ZNF219: variants seen among roughly 807,000 people sequenced by gnomAD.
The protein encoded by ZNF219 is zinc finger protein 219.
Under a neutral mutation model 54.4 loss-of-function variants are expected in ZNF219, and 17 were observed. The observed-to-expected ratio is 0.31, with a 90% confidence interval of 0.21 to 0.47. The LOEUF is 0.47. ZNF219 is among the 20% of genes least tolerant of loss of function. The pLI is 1.00. For synonymous variants in ZNF219, 518 were observed against 476.4 expected (o/e 1.09, Z -1.14); for missense variants, 1,014 against 1,062.3 (o/e 0.95, Z 0.63).
At chr14:21,094,441 G>A (rs1426299229) in intron 1 of ZNF219, 1 of 455,536 alleles carries the variant, frequency 2.2e-6, no homozygotes, top group Non-Finnish European at 4.4e-6. Flanking sequence ...CAGTATGATG[G>A]GGCATCTGAG....
At chr14:21,097,988 ACCCGCCACCTCC>A (rs1161555938) in intron 1 of ZNF219, among the ~76,000 whole-genome samples, 17 of 134,628 alleles carry the variant, frequency 1.3e-4, no homozygotes, top group South Asian at 4.8e-4. Context: ...CTACAAAGAC[ACCCGCCACCTCC>A]CCCGCCACAT....
chr14:21,101,390 G>C (rs1288167539), upstream of ZNF219: 11 of 1,551,674 alleles, frequency 7.1e-6, no homozygotes, highest in South Asian at 1.1e-4. Flanking sequence ...CACAGCCTTC[G>C]TCTGGAAAAG....
At chr14:21,102,231 C>A (rs1340778685), upstream of ZNF219, 2 of 1,421,376 alleles carry the variant, frequency 1.4e-6, no homozygotes, top group African/African-American at 1.4e-5. Context: ...TCAGCTGTCA[C>A]CACTGACTGG....
At chr14:21,101,574 G>A, upstream of ZNF219, 1 of 902,544 alleles carries the variant, frequency 1.1e-6, no homozygotes. Flanking sequence ...GCTAGGTTCT[G>A]AATGGGAGGA....
Position 21,092,109 on chromosome 14 carries a change from A to G in ZNF219, c.1188T>C (p.Ala396=). ...CGAAGCTGCGGCCGGGACCGGGCTC[A>G]GCACCCTCGCCGTTGGGCCGGCCCT... The part of the protein sequence containing the change: ...AGEGRPNGEG[A]EPGPGRSFGG... Residue 396 remains alanine (A), a synonymous_variant, in exon 3 of 5, where the codon GCT becomes GCC. Coordinates refer to ENST00000360947, the MANE Select transcript of ZNF219 (RefSeq NM_016423.3). 6.5e-7 allele frequency: 1 copy of G among 1,529,076 alleles called. No individual in the cohort carries two copies. Among genetic ancestry groups the G allele is most frequent in the Middle Eastern group, 2.0e-4 (1 of 5,052 alleles). 94.7% of individuals were successfully genotyped at this position (1,529,076 alleles called of 1,614,324 possible). A position where few individuals can be genotyped will look rare whatever the true frequency, so the allele number is the denominator to read the frequency against.
At chr14:21,099,687 T>C (rs1324153678), upstream of ZNF219, among the ~76,000 whole-genome samples, 2 of 152,216 alleles carry the variant, frequency 1.3e-5, no homozygotes. Context: ...CCACTAACAT[T>C]GAGCACTTGT....
At position 21,092,282 on chromosome 14, in the gene ZNF219, C is replaced by T. The variant is rs1359289706; in HGVS notation, c.1015G>A (p.Gly339Arg). 1 of 1,504,982 alleles carries T rather than the reference C, an allele frequency of 6.6e-7. No homozygotes were observed. Among genetic ancestry groups the T allele is most frequent in the Non-Finnish European group, 8.9e-7 (1 of 1,129,026 alleles). 93.2% of individuals were successfully genotyped at this position (1,504,982 alleles called of 1,614,324 possible). A position where few individuals can be genotyped will look rare whatever the true frequency, so the allele number is the denominator to read the frequency against. The part of the protein sequence containing the change: ...GPLRAPGPAS[G>R]PARAPQPPDL... The stretch of plus-strand genomic sequence containing the variant: ...GGAGGCTGGGGGGCGCGGGCAGGCC[C>T]GGAGGCAGGCCCCGGGGCACGCAGT... The change falls in exon 3 of 5, where the codon GGG becomes AGG. Residue 339 changes from glycine to arginine, a missense_variant. Around this residue, in one of 5 missense-constraint regions of ZNF219, gnomAD observed 272 missense variants for 248.9 expected, o/e 1.09. Transcript: ENST00000360947.
Position 21,090,817 on chromosome 14 carries a change from A to T in ZNF219, c.1888T>A (p.Ser630Thr). The change falls in exon 5 of 5, where the codon TCC (serine) becomes ACC (threonine). Residue 630 changes from serine to threonine, a missense_variant. Transcript: ENST00000360947. The surrounding 1 kb of genome is among the most constrained non-coding windows in gnomAD (Gnocchi z 4.4). ...TCGCCTCCCGGCCCTGCCCGCAAGG[A>T]CAGGTCCAGGGGTTCGGCCTCACCG... ...RGGEAEPLDL[S>T]LRAGPGGEAG... 1 of 1,566,888 alleles carries T rather than the reference A, an allele frequency of 6.4e-7. No individual in the cohort carries two copies. Among genetic ancestry groups the T allele is most frequent in the South Asian group, 1.2e-5 (1 of 85,588 alleles).
rs1267048628 is a variant in ZNF219, at chr14:21,098,438, C to CCCCGG, written c.-215_-211dup. On this transcript the variant is annotated 5_prime_UTR_variant, in exon 1 of 5. It removes the in-frame stop codon of an upstream open reading frame in the 5' UTR. Coordinates refer to ENST00000360947, the MANE Select transcript of ZNF219 (RefSeq NM_016423.3). ...ATGCGCCGGGCCCCGGCCCCCCCGCCCCCGGCCCGGCCCCCGCCCCCTCCC... is the reference window on the plus strand; with the variant it reads ...ATGCGCCGGGCCCCGGCCCCCCCGCCCCCGGCCCGGCCCGGCCCCCGCCCCCTCCC... 1.7e-4 allele frequency: 124 copies of CCCCGG among 723,924 alleles called. No individual in the cohort carries two copies. Among genetic ancestry groups the CCCCGG allele is most frequent in the Non-Finnish European group, 2.1e-4 (122 of 594,890 alleles). The allele number at this position is 723,924 out of a possible 1,614,324, so 44.8% of individuals were successfully genotyped here.
Position 21,092,244 on chromosome 14 carries a change from C to T in ZNF219, c.1053G>A (p.Leu351=), listed in dbSNP as rs1193653426. ...ARAPQPPDLG[L]LAYEPLGPAL... is the part of the protein sequence containing the mutation. The stretch of plus-strand genomic sequence containing the variant: ...CTGGGCCCAACGGCTCATAGGCCAG[C>T]AGGCCGAGGTCAGGAGGCTGGGGGG... The change falls in exon 3 of 5, where the codon CTG becomes CTA. Residue 351 remains leucine (L), a synonymous_variant. Transcript: ENST00000360947. The T allele has an allele frequency of 3.4e-6, 5 of 1,457,470 alleles. No homozygotes were observed. Among genetic ancestry groups the T allele is most frequent in the Non-Finnish European group, 4.5e-6 (5 of 1,109,800 alleles). The allele number at this position is 1,457,470 out of a possible 1,614,324, so 90.3% of individuals were successfully genotyped here.
intron 3 of ZNF219, 111 bp from the exon 4 acceptor site, chr14:21,091,653 A>T: frequency 6.7e-7 from 1 of 1,491,300 alleles, no homozygotes; most frequent in Non-Finnish European, 8.9e-7. Context: ...GTCCAGGAGG[A>T]AACAAAGTCT....
At position 21,091,781 on chromosome 14, in the gene ZNF219, T is replaced by C. The variant is rs569475495; in HGVS notation, c.1432+84A>G. On this transcript the variant is annotated intron_variant, in intron 3 of 4. Transcript: ENST00000360947. ...CAGGAGAAATTAAACGTAAGTTCTT[T>C]TAACAAGGAAGCTACGAGGGAGTGG... The C allele has an allele frequency of 2.0e-6, 3 of 1,471,244 alleles. No homozygotes were observed. In the East Asian group the frequency reaches 7.1e-5, roughly 35 times the overall value. The allele number at this position is 1,471,244 out of a possible 1,614,324, so 91.1% of individuals were successfully genotyped here. A position where few individuals can be genotyped will look rare whatever the true frequency, so the allele number is the denominator to read the frequency against.
chr14:21,090,657 G>T lies in ZNF219; in HGVS notation c.2048C>A (p.Ala683Glu). The T allele has an allele frequency of 6.2e-7, 1 of 1,612,492 alleles. No homozygotes were observed. The highest frequency in any genetic ancestry group is 8.5e-7 in the Non-Finnish European group (1 of 1,179,824). Residue 683 changes from alanine (A) to glutamate (E), a missense_variant, in exon 5 of 5, where the codon GCG becomes GAG. Around this residue, in one of 5 missense-constraint regions of ZNF219, gnomAD observed 281 missense variants for 271.2 expected, o/e 1.04. Transcript: ENST00000360947. This position sits in a 1 kb window ranked among gnomAD's most constrained non-coding sequence, Gnocchi z 4.4. ...TGGTACTCGGGCATAGGGCGGGGACGCGTCAGCCTGGGGTGGCCGGCGGCC... is the reference window on the plus strand; with the variant it reads ...TGGTACTCGGGCATAGGGCGGGGACTCGTCAGCCTGGGGTGGCCGGCGGCC... The part of the protein sequence containing the change: ...ARGRRPPQAD[A>E]SPPYARVPSG...
Position 21,091,938 on chromosome 14 carries a change from G to A in ZNF219, c.1359C>T (p.His453=), listed in dbSNP as rs1483400178. ...GCCCCGGTCCCTCACCCGGGCGCGG[G>A]TGCAGGGAAGCCAGAGAGCCCAGCG... ...GRSLGSLASL[H]PRPGEGPGHS... is the part of the protein sequence containing the mutation. The change falls in exon 3 of 5, where the codon CAC becomes CAT. Residue 453 remains histidine, a synonymous_variant. Coordinates refer to ENST00000360947, the MANE Select transcript of ZNF219 (RefSeq NM_016423.3). The A allele has an allele frequency of 4.4e-6, 7 of 1,604,494 alleles. No homozygotes were observed. The highest frequency in any genetic ancestry group is 5.9e-6 in the Non-Finnish European group (7 of 1,176,578).
Position 21,090,866 on chromosome 14 carries a change from C to T in ZNF219, c.1839G>A (p.Gly613=). Residue 613 remains glycine (G), a synonymous_variant, in exon 5 of 5, where the codon GGG becomes GGA. Coordinates refer to ENST00000360947, the MANE Select transcript of ZNF219 (RefSeq NM_016423.3). This position sits in a 1 kb window ranked among gnomAD's most constrained non-coding sequence, Gnocchi z 4.4. ...PGSRRKPASP[G]RTLRNGRGGE... ...CGCCTCGCCCGTTGCGCAGGGTCCT[C>T]CCAGGGCTGGCGGGCTTCCGACGGG... 6.4e-7 allele frequency: 1 copy of T among 1,554,302 alleles called. No homozygotes were observed.
chr14:21,094,907 CTTTTTTTT>C (rs59112788), intron 1 of ZNF219, among the ~76,000 whole-genome samples: 13 of 125,142 alleles, frequency 1.0e-4, no homozygotes, highest in South Asian at 2.5e-4. Context: ...TGGGTCTAAC[CTTTTTTTT>C]TTTTTTTTTT....
In ZNF219 at chr14:21,093,273, G is replaced by T. The variant is rs377005339; in HGVS notation, c.24C>A (p.Ala8=). MEGSRPR[A]PSGHLAPSPP... ...GCGACGGCGCTAAGTGGCCGCTCGG[G>T]GCGCGGGGACGTGAGCCCTGTGGAG... Residue 8 remains alanine (A), a synonymous_variant, in exon 3 of 5, where the codon GCC becomes GCA. Transcript: ENST00000360947. The T allele has an allele frequency of 7.3e-5, 116 of 1,588,582 alleles. No individual in the cohort carries two copies. The highest frequency in any genetic ancestry group is 1.1e-5 in the Non-Finnish European group (13 of 1,174,838).
chr14:21,091,427 A>G lies in ZNF219; in HGVS notation c.1548T>C (p.His516=), dbSNP rs1235849438. 7 of 1,600,048 alleles carry G rather than the reference A, an allele frequency of 4.4e-6. No individual in the cohort carries two copies. The highest frequency in any genetic ancestry group is 1.7e-4 in the Middle Eastern group (1 of 6,034). The change falls in exon 4 of 5, where the codon CAT becomes CAC. Residue 516 remains histidine (H), a synonymous_variant. Coordinates refer to ENST00000360947, the MANE Select transcript of ZNF219 (RefSeq NM_016423.3). ...CTCCCTCACCTGTGTGCACTCGCAG[A>G]TGCACTTTGAGGTGATGTGCTGAGC... is the stretch of plus-strand genomic sequence containing the variant. ...SFRSAHHLKV[H]LRVHTGERPY...
chr14:21,091,264 T>A, intron 4 of ZNF219, 124 bp from the exon 5 acceptor site: 3 of 1,507,098 alleles, frequency 2.0e-6, no homozygotes, highest in East Asian at 2.3e-5. Flanking sequence ...CCCACCCACT[T>A]TGATTTAATA....
Sources: gnomAD v4.1 joint callset for allele counts (sites outside exome capture counted in the v4.1 genomes callset) on GRCh38, gnomAD v4.1.1 for gene constraint, gnomAD v4.1.1 regional missense constraint, Gnocchi (gnomAD v3.1) non-coding constraint, MANE v1.5 for transcripts, NCBI Gene and HGNC (gene_info 2026-07-23, HGNC 2026-07-21) for gene names.